Variants in SYT2 observed in about 807,000 individuals in gnomAD.
The protein encoded by SYT2 is synaptotagmin-2.
In SYT2, 15 loss-of-function variants were observed where a neutral mutation model predicts 39.9. The ratio of observed to expected loss-of-function variants is 0.38; its 90% CI spans 0.25 to 0.58. SYT2 has a LOEUF of 0.58. SYT2 is among the 20% of genes least tolerant of loss of function. SYT2 has a pLI of 0.70. For missense variants in SYT2, 389 were observed against 530.3 expected (o/e 0.73, Z 2.62); for synonymous variants, 181 against 204.5 (o/e 0.89, Z 0.98).
intron 1 of SYT2, among the ~76,000 whole-genome samples, chr1:202,647,181 C>T (rs1692102319): frequency 1.3e-5 from 2 of 152,190 alleles, no homozygotes; most frequent in African/African-American, 4.8e-5. Context: ...ATAAAGGCCC[C>T]TTACCTCCCT....
intron 1 of SYT2, among the ~76,000 whole-genome samples, chr1:202,697,939 C>T (rs61100519): frequency 0.025 from 3,738 of 152,262 alleles, 119 homozygotes; most frequent in East Asian, 0.17. Flanking sequence ...TGATTTCTTC[C>T]TTGCTGATAG....
At chr1:202,598,281 T>A (rs1458006742) in intron 8 of SYT2, among the ~76,000 whole-genome samples, 2 of 152,188 alleles carry the variant, frequency 1.3e-5, no homozygotes, top group Non-Finnish European at 2.9e-5. Flanking sequence ...GAAACAGGCT[T>A]GGCTGGGAAG....
intron 1 of SYT2, among the ~76,000 whole-genome samples, chr1:202,701,686 A>G (rs917716778): frequency 1.8e-4 from 28 of 152,146 alleles, no homozygotes; most frequent in Non-Finnish European, 2.2e-4. Flanking sequence ...TAGCACCATC[A>G]ATGTCAAGCA....
chr1:202,596,996 CAG>C, intron 8 of SYT2, 33 bp from the exon 9 acceptor site: 1 of 1,596,072 alleles, frequency 6.3e-7, no homozygotes, highest in Admixed American at 1.7e-5. Context: ...AGTTGGCAGA[CAG>C]AGACGTGGGA....
chr1:202,665,762 T>C (rs1467994613), intron 1 of SYT2, among the ~76,000 whole-genome samples: 1 of 152,196 alleles, frequency 6.6e-6, no homozygotes, highest in Non-Finnish European at 1.5e-5. Context: ...CATTCATTGG[T>C]CATCAGTGAA....
chr1:202,625,161 C>G (rs186223371), intron 1 of SYT2, among the ~76,000 whole-genome samples: 8 of 1,950 alleles, frequency 4.1e-3, no homozygotes, highest in Non-Finnish European at 7.7e-3. Context: ...TGTGGTGTGT[C>G]TGTGTGGTGT....
chr1:202,673,802 G>A (rs1011686461), intron 1 of SYT2, among the ~76,000 whole-genome samples: 4 of 152,108 alleles, frequency 2.6e-5, no homozygotes, highest in East Asian at 1.9e-4. Flanking sequence ...AGATTTATTC[G>A]AGGCAGGGAG....
rs374220561 is a variant in SYT2, at chr1:202,699,385, G to A, written c.-18+10873C>T. On this transcript the variant is annotated intron_variant, in intron 1 of 8. Coordinates refer to ENST00000367268, the MANE Select transcript of SYT2 (RefSeq NM_177402.5). The stretch of plus-strand genomic sequence containing the variant: ...GAGAGTCCCACAAACACCAGCCTGC[G>A]GCAGGGCATTTGTCCATGGTCCCCA... Among the ~76,000 whole-genome samples, 143 of 152,236 alleles carry A rather than the reference G, an allele frequency of 9.4e-4. 1 individual carries two copies. The highest frequency in any genetic ancestry group is 1.9e-3 in the South Asian group (9 of 4,822).
intron 1 of SYT2, among the ~76,000 whole-genome samples, chr1:202,611,052 T>C (rs1690872109): frequency 1.3e-5 from 2 of 152,228 alleles, no homozygotes; most frequent in South Asian, 4.1e-4. Flanking sequence ...CTTGTTATTA[T>C]GTCTTTTTGT....
chr1:202,674,912 C>CTCCTCTTT (rs1653320485), intron 1 of SYT2, among the ~76,000 whole-genome samples: 1 of 152,186 alleles, frequency 6.6e-6, no homozygotes, highest in Non-Finnish European at 1.5e-5. Context: ...ATCTCAATGT[C>CTCCTCTTT]ATGATCTCAG....
At chr1:202,638,753 T>A (rs1691818177) in intron 1 of SYT2, among the ~76,000 whole-genome samples, 1 of 152,214 alleles carries the variant, frequency 6.6e-6, no homozygotes, top group Non-Finnish European at 1.5e-5. Context: ...CACCCTACCC[T>A]GTTCGCCCCT....
intron 1 of SYT2, chr1:202,632,731 C>G (rs1372136839): frequency 5.3e-6 from 1 of 189,624 alleles, no homozygotes; most frequent in Non-Finnish European, 9.8e-6. Flanking sequence ...TCTGGGCACC[C>G]CCTTAAAAGC....
intron 1 of SYT2, chr1:202,632,561 C>T (rs926817502): frequency 5.1e-6 from 5 of 985,338 alleles, no homozygotes; most frequent in South Asian, 4.7e-5. Flanking sequence ...CCTGTTCTGT[C>T]GATGAGAAGA....
chr1:202,664,041 T>G, intron 1 of SYT2, among the ~76,000 whole-genome samples: 1 of 152,174 alleles, frequency 6.6e-6, no homozygotes, highest in East Asian at 1.9e-4. Flanking sequence ...CTGCGTGCTC[T>G]TCTACCCTCA....
intron 1 of SYT2, among the ~76,000 whole-genome samples, chr1:202,612,968 ATTTCAC>A (rs1253633318): frequency 1.3e-5 from 2 of 150,630 alleles, no homozygotes; most frequent in African/African-American, 4.9e-5. Flanking sequence ...TGTTTTCTTA[ATTTCAC>A]TTTCAGATTG....
intron 1 of SYT2, among the ~76,000 whole-genome samples, chr1:202,700,626 A>G (rs964622215): frequency 1.3e-5 from 2 of 152,228 alleles, no homozygotes; most frequent in African/African-American, 4.8e-5. Flanking sequence ...AATATATAGT[A>G]GACGTTTTCT....
In SYT2 at chr1:202,614,344, A is replaced by AAGTT. The variant is rs1309236706; in HGVS notation, c.-17-8559_-17-8556dup. On this transcript the variant is annotated intron_variant, in intron 1 of 8. Transcript: ENST00000367268. This position sits in a 1 kb window ranked among gnomAD's most constrained non-coding sequence, Gnocchi z 4.0. ...TGAGCAGTTATAAGTGGGGTTTGTG[A>AAGTT]AGTTAGCTCCATGGGGAGTGGAGCA... is the stretch of plus-strand genomic sequence containing the variant. Among the ~76,000 whole-genome samples, 2 of 152,140 alleles carry AAGTT rather than the reference A, an allele frequency of 1.3e-5. No homozygotes were observed. Among genetic ancestry groups the AAGTT allele is most frequent in the Admixed American group, 1.3e-4 (2 of 15,258 alleles).
chr1:202,687,872 T>C (rs1653712190), intron 1 of SYT2, among the ~76,000 whole-genome samples: 1 of 152,116 alleles, frequency 6.6e-6, no homozygotes, highest in Admixed American at 6.5e-5. Flanking sequence ...TCTCTTCCTA[T>C]CTGCCAAGTT....
chr1:202,635,176 G>C (rs936286933), intron 1 of SYT2, among the ~76,000 whole-genome samples: 1 of 152,166 alleles, frequency 6.6e-6, no homozygotes, highest in Non-Finnish European at 1.5e-5. Flanking sequence ...CCCATGGCTA[G>C]GAGGCCGCAG....
Sources: allele counts gnomAD v4.1 joint callset (sites outside exome capture counted in the v4.1 genomes callset), GRCh38; gene constraint gnomAD v4.1.1; non-coding constraint Gnocchi (gnomAD v3.1); transcripts MANE v1.5; gene names NCBI Gene and HGNC (gene_info 2026-07-23, HGNC 2026-07-21).